ADAM28: variants seen among roughly 807,000 people sequenced by gnomAD.
The protein encoded by ADAM28 is ADAM metallopeptidase domain 28.
Under a neutral mutation model 101.2 loss-of-function variants are expected in ADAM28, and 105 were observed. The ratio of observed to expected loss-of-function variants is 1.04; its 90% CI spans 0.89 to 1.22. The LOEUF is 1.22. Ranked by LOEUF, ADAM28 falls within the 50% of genes most tolerant of loss-of-function variation. The pLI, the probability that ADAM28 is intolerant of heterozygous loss-of-function variation, is 0.00. For missense variants in ADAM28, 1,028 were observed against 945.4 expected (o/e 1.09, Z -1.15); for synonymous variants, 322 against 310.6 (o/e 1.04, Z -0.39).
intron 14 of ADAM28, among the ~76,000 whole-genome samples, chr8:24,336,525 A>T (rs1195904607): frequency 6.7e-6 from 1 of 149,182 alleles, no homozygotes; most frequent in African/African-American, 2.5e-5. Flanking sequence ...GCTTGCCGTC[A>T]GCAGAGATCG....
intron 1 of ADAM28, among the ~76,000 whole-genome samples, chr8:24,294,646 A>G (rs1807723496): frequency 6.8e-6 from 1 of 147,580 alleles, no homozygotes; most frequent in Non-Finnish European, 1.5e-5. Flanking sequence ...GTTTGAGTGT[A>G]TATTTTTGTA....
chr8:24,316,940 A>G (rs773821140), intron 6 of ADAM28, among the ~76,000 whole-genome samples: 7 of 152,066 alleles, frequency 4.6e-5, no homozygotes, highest in African/African-American at 9.7e-5. Context: ...GCCAAAAATG[A>G]AATCAAGAAC....
In ADAM28 at chr8:24,341,706, A is replaced by G. The variant is rs763156956; in HGVS notation, c.1779A>G (p.Thr593=). The G allele has an allele frequency of 7.4e-6, 12 of 1,613,800 alleles. No homozygotes were observed. The African/African-American group carries it at 1.1e-4, about 14-fold the overall frequency. ...GTAAAACATTTGATCCTGAAGACAC[A>G]AGTCAAGAAATAGGCATGGTGGCCA... ...LTCKTFDPED[T]SQEIGMVANG... is the part of the protein sequence containing the mutation. The change falls in exon 16 of 23, where the codon ACA becomes ACG. Residue 593 remains threonine (T), a synonymous_variant. Coordinates refer to ENST00000265769, the MANE Select transcript of ADAM28 (RefSeq NM_014265.6).
intron 2 of ADAM28, among the ~76,000 whole-genome samples, chr8:24,303,419 T>G (rs1809108073): frequency 6.6e-6 from 1 of 152,180 alleles, no homozygotes; most frequent in Admixed American, 6.5e-5. Flanking sequence ...CATTGCTTGT[T>G]TTTGTAAGGT....
Position 24,335,756 on chromosome 8 carries a change from T to G in ADAM28, c.1567+115T>G, listed in dbSNP as rs1346943608. The G allele has an allele frequency of 5.0e-5, 64 of 1,292,864 alleles. No individual in the cohort carries two copies. In the East Asian group the frequency reaches 1.9e-3, roughly 38 times the overall value. The allele number at this position is 1,292,864 out of a possible 1,614,324, so 80.1% of individuals were successfully genotyped here. On this transcript the variant is annotated intron_variant, in intron 14 of 22. Transcript: ENST00000265769. ...CCTATCCTTCTTAGAAGCTTTGAAC[T>G]CAAAATCATGGAAAGGTTTTAAGAT...
chr8:24,316,064 T>C (rs1158975915), intron 6 of ADAM28, among the ~76,000 whole-genome samples: 2 of 120,052 alleles, frequency 1.7e-5, no homozygotes, highest in Non-Finnish European at 4.0e-5. Context: ...TAAAGGCCAT[T>C]TATTTATTTA....
rs1686908765 is a variant in ADAM28, at chr8:24,343,145, A to C, written c.1875A>C (p.Lys625Asn). The C allele has an allele frequency of 6.2e-7, 1 of 1,613,696 alleles. No individual in the cohort carries two copies. Among genetic ancestry groups the C allele is most frequent in the African/African-American group, 1.3e-5 (1 of 74,892 alleles). The change falls in exon 17 of 23, where the codon AAA (lysine) becomes AAC (asparagine). Residue 625 changes from lysine to asparagine, a missense_variant. By Grantham distance (94) the Lys-to-Asn change is moderately conservative (BLOSUM62 0). Coordinates refer to ENST00000265769, the MANE Select transcript of ADAM28 (RefSeq NM_014265.6). ...AECVDIEKAYKSTNCSSKCKG... is the reference protein window; with the variant it reads ...AECVDIEKAYNSTNCSSKCKG... Reference sequence around the variant, plus strand: ...GTGTGGATATTGAGAAAGCCTACAAATCAACCAATTGCTCATCTAAGTGCA... The same window carrying C: ...GTGTGGATATTGAGAAAGCCTACAACTCAACCAATTGCTCATCTAAGTGCA...
chr8:24,353,878 C>T, intron 22 of ADAM28, 46 bp downstream of exon 22: 1 of 1,318,798 alleles, frequency 7.6e-7, no homozygotes, highest in Non-Finnish European at 1.1e-6. Flanking sequence ...ATTATAATCT[C>T]CTACTGTCAA....
In ADAM28 at chr8:24,339,619, C is replaced by T. The variant is rs1814525306; in HGVS notation, c.1670+51C>T. 2.1e-6 allele frequency: 3 copies of T among 1,420,100 alleles called. No homozygotes were observed. The South Asian group carries it at 3.7e-5, about 17-fold the overall frequency. The allele number at this position is 1,420,100 out of a possible 1,614,324, so 88.0% of individuals were successfully genotyped here. A position where few individuals can be genotyped will look rare whatever the true frequency, so the allele number is the denominator to read the frequency against. On this transcript the variant is annotated intron_variant, in intron 15 of 22. Transcript: ENST00000265769. ...TGCTTCACAGACTAGAGCAATGGTA[C>T]ACTTCCAGCTACACATTCTGATTTA...
At position 24,349,916 on chromosome 8, in the gene ADAM28, G is replaced by A. The variant is rs1240013516; in HGVS notation, c.2043G>A (p.Val681=). ...VLFPMAVIFV[V]VAMVIRHQSS... ...TCCCAATGGCGGTCATTTTTGTGGT[G>A]GTTGCTATGGTAATCCGGCACCAGA... Residue 681 remains valine, a synonymous_variant, in exon 19 of 23, where the codon GTG becomes GTA. Transcript: ENST00000265769. 3 of 1,613,576 alleles carry A rather than the reference G, an allele frequency of 1.9e-6. No homozygotes were observed. Among genetic ancestry groups the A allele is most frequent in the Admixed American group, 1.7e-5 (1 of 59,976 alleles).
rs775862538 is a variant in ADAM28 at position 24,310,249 on chromosome 8, G to A, written c.306+8G>A. 61 of 1,610,148 alleles carry A rather than the reference G, an allele frequency of 3.8e-5. No individual in the cohort carries two copies. Among genetic ancestry groups the A allele is most frequent in the South Asian group, 6.6e-5 (6 of 90,962 alleles). Reference sequence around the variant, plus strand: ...ACAAGCCCACAAATTATGGTATAACGGAGTCTCTTCAATTCTTTAATTAGG... The same window carrying A: ...ACAAGCCCACAAATTATGGTATAACAGAGTCTCTTCAATTCTTTAATTAGG... On this transcript the variant is annotated splice_region_variant and intron_variant, in intron 4 of 22. Coordinates refer to ENST00000265769, the MANE Select transcript of ADAM28 (RefSeq NM_014265.6).
chr8:24,314,407 A>G (rs1810884741), intron 6 of ADAM28, among the ~76,000 whole-genome samples: 1 of 152,156 alleles, frequency 6.6e-6, no homozygotes, highest in Admixed American at 6.6e-5. Flanking sequence ...TAGGAGATAA[A>G]TGAATATAGT....
chr8:24,353,668 A>G (rs902400941), intron 21 of ADAM28, 102 bp from the exon 22 acceptor site: 5 of 822,378 alleles, frequency 6.1e-6, no homozygotes, highest in Non-Finnish European at 9.9e-6. Flanking sequence ...TAAATGAGTG[A>G]AGAAGAGCTA....
At chr8:24,348,040 T>C (rs1815619910) in intron 18 of ADAM28, among the ~76,000 whole-genome samples, 2 of 152,166 alleles carry the variant, frequency 1.3e-5, no homozygotes, top group Admixed American at 6.6e-5. Context: ...ACTGATGTAC[T>C]TGGGTATAAA....
At chr8:24,304,902 G>A (rs1809345122) in intron 2 of ADAM28, among the ~76,000 whole-genome samples, 2 of 144,274 alleles carry the variant, frequency 1.4e-5, no homozygotes, top group Non-Finnish European at 3.0e-5. Context: ...GGCAACAAGA[G>A]TGAAACTCCT....
intron 14 of ADAM28, chr8:24,336,105 G>T (rs1393533155): frequency 1.0e-6 from 1 of 986,318 alleles, no homozygotes; most frequent in South Asian, 4.7e-5. Context: ...AATAAGAAAA[G>T]ATGGAAAAAA....
At chr8:24,332,481 A>G (rs1585666047) in intron 12 of ADAM28, among the ~76,000 whole-genome samples, 179 bp from the exon 13 acceptor site, 1 of 152,158 alleles carries the variant, frequency 6.6e-6, no homozygotes, top group East Asian at 1.9e-4. Flanking sequence ...CAGATAAACA[A>G]CAAACCATCA....
At chr8:24,296,726 G>T (rs894517733) in intron 1 of ADAM28, among the ~76,000 whole-genome samples, 1 of 152,182 alleles carries the variant, frequency 6.6e-6, no homozygotes, top group Non-Finnish European at 1.5e-5. Flanking sequence ...CTAATCCAGT[G>T]TGTGAGTTCT....
At chr8:24,316,021 G>T (rs1162768504) in intron 6 of ADAM28, among the ~76,000 whole-genome samples, 3 of 151,708 alleles carry the variant, frequency 2.0e-5, no homozygotes, top group Non-Finnish European at 4.4e-5. Context: ...TGATTTGAGA[G>T]TTTAGGCATA....
Sources: gnomAD v4.1 joint callset for allele counts (sites outside exome capture counted in the v4.1 genomes callset) on GRCh38, gnomAD v4.1.1 for gene constraint, MANE v1.5 for transcripts, NCBI Gene and HGNC (gene_info 2026-07-23, HGNC 2026-07-21) for gene names.